The following CACNA1B variants were observed in gnomAD, a reference collection of about 807,000 sequenced individuals.
CACNA1B encodes the protein voltage-dependent N-type calcium channel subunit alpha-1B.
Under a neutral mutation model 247.2 loss-of-function variants are expected in CACNA1B, and 70 were observed. That is an observed-to-expected ratio of 0.28 (90% CI 0.23 to 0.35). The LOEUF (loss-of-function observed/expected upper bound fraction) is 0.35, where lower values mean the gene tolerates loss of function less well. Ranked by LOEUF, CACNA1B falls within the 10% of genes least tolerant of loss-of-function variation. CACNA1B has a pLI of 1.00. For missense variants in CACNA1B, 2,367 were observed against 3,197.4 expected (o/e 0.74, Z 6.26); for synonymous variants, 1,231 against 1,294.4 (o/e 0.95, Z 1.05).
intron 15 of CACNA1B, among the ~76,000 whole-genome samples, chr9:137,988,675 A>G (rs1256037760): frequency 6.6e-6 from 1 of 152,174 alleles, no homozygotes; most frequent in Admixed American, 6.5e-5. Flanking sequence ...GACAGCAGAG[A>G]CCCAGGCACC....
In CACNA1B at chr9:137,917,103, G is replaced by A. The variant is rs113070786; in HGVS notation, c.776-138G>A. The stretch of plus-strand genomic sequence containing the variant: ...GATGCAGATTCGAGGAGGGATGGTG[G>A]GAAGTTGAGGGAGAGTTTCTGTTGG... On this transcript the variant is annotated intron_variant, in intron 5 of 46. Transcript: ENST00000371372. The surrounding 1 kb of genome is among the most constrained non-coding windows in gnomAD (Gnocchi z 5.5). 448 of 705,668 alleles carry A rather than the reference G, an allele frequency of 6.3e-4. 4 individuals carry two copies. The African/African-American group carries it at 7.0e-3, about 11-fold the overall frequency. 43.7% of individuals were successfully genotyped at this position (705,668 alleles called of 1,614,324 possible). A position where few individuals can be genotyped will look rare whatever the true frequency, so the allele number is the denominator to read the frequency against.
intron 6 of CACNA1B, among the ~76,000 whole-genome samples, chr9:137,931,368 G>A (rs1246777955): frequency 6.6e-6 from 1 of 152,122 alleles, no homozygotes; most frequent in Non-Finnish European, 1.5e-5. Flanking sequence ...GATTGGTCAT[G>A]GGAGGCGACC....
rs1291768942 is a variant in CACNA1B at position 138,105,756 on chromosome 9, T to A, written c.5377T>A (p.Ser1793Thr). 1.0e-5 allele frequency: 16 copies of A among 1,567,882 alleles called. No homozygotes were observed. The highest frequency in any genetic ancestry group is 1.4e-5 in the Non-Finnish European group (16 of 1,157,574). ...SNEDMTVHFT[S>T]TLMALIRTAL... ...CGAGGACATGACTGTTCACTTCACG[T>A]CCACGCTGATGGCCCTCATCCGGAC... Residue 1793 changes from serine to threonine, a missense_variant, in exon 39 of 47, where the codon TCC becomes ACC. By Grantham distance (58) the Ser-to-Thr change is moderately conservative. This residue lies in a region of CACNA1B where 773 missense variants were observed against 779.4 expected (regional missense o/e 0.99). Transcript: ENST00000371372.
intron 3 of CACNA1B, among the ~76,000 whole-genome samples, chr9:137,884,974 C>CAA (rs1396526383): frequency 6.5e-5 from 9 of 138,550 alleles, no homozygotes; most frequent in African/African-American, 2.5e-4. Context: ...CCCCCTCCTC[C>CAA]CACTTTGCCT....
rs1959609381 is a variant in CACNA1B, at chr9:138,058,788, A to G, written c.4473+55A>G. On this transcript the variant is annotated intron_variant, in intron 29 of 46. Transcript: ENST00000371372. The surrounding 1 kb of genome is among the most constrained non-coding windows in gnomAD (Gnocchi z 4.7). ...TGGCGCTGCTAGGGATTGGGATCTA[A>G]CCCTGAGGCTGAGTGGAGAGTCAGC... is the stretch of plus-strand genomic sequence containing the variant. 1 of 1,483,316 alleles carries G rather than the reference A, an allele frequency of 6.7e-7. No individual in the cohort carries two copies. The highest frequency in any genetic ancestry group is 1.2e-5 in the South Asian group (1 of 82,364). 91.9% of individuals were successfully genotyped at this position (1,483,316 alleles called of 1,614,324 possible).
Position 138,038,392 on chromosome 9 carries a change from G to A in CACNA1B, c.3287-5382G>A, listed in dbSNP as rs1959073168. Among the ~76,000 whole-genome samples the A allele has an allele frequency of 2.0e-5, 3 of 152,290 alleles. No homozygotes were observed. In the South Asian group the frequency reaches 6.2e-4, roughly 32 times the overall value. On this transcript the variant is annotated intron_variant, in intron 20 of 46. Transcript: ENST00000371372. ...CTCATTTCTCCAAGAAGCAGCACAC[G>A]CTGGACACTGCCGTGATTCCTGTGG...
At position 138,050,165 on chromosome 9, in the gene CACNA1B, G is replaced by C; in HGVS notation, c.3710+850G>C. The C allele has an allele frequency of 9.5e-7, 1 of 1,055,198 alleles. No homozygotes were observed. The highest frequency in any genetic ancestry group is 1.3e-6 in the Non-Finnish European group (1 of 775,084). The allele number at this position is 1,055,198 out of a possible 1,614,324, so 65.4% of individuals were successfully genotyped here. ...CCCCTCTTGGGTCATTTCATCTCCA[G>C]CCTCACCCCCCGCCCATCCACTTTC... On this transcript the variant is annotated intron_variant, in intron 24 of 46. Transcript: ENST00000371372. The surrounding 1 kb of genome is among the most constrained non-coding windows in gnomAD (Gnocchi z 5.2).
Position 137,888,829 on chromosome 9 carries a change from C to T in CACNA1B, c.530+5946C>T, listed in dbSNP as rs1957054462. On this transcript the variant is annotated intron_variant, in intron 3 of 46. Coordinates refer to ENST00000371372, the MANE Select transcript of CACNA1B (RefSeq NM_000718.4). This position sits in a 1 kb window ranked among gnomAD's most constrained non-coding sequence, Gnocchi z 4.7. ...GCAGGCCGATTCAGATGGTGGCAGGCACTTCTCAGGGAGAAGCCAGGCCCA... is the reference window on the plus strand; with the variant it reads ...GCAGGCCGATTCAGATGGTGGCAGGTACTTCTCAGGGAGAAGCCAGGCCCA... Among the ~76,000 whole-genome samples the T allele has an allele frequency of 6.6e-6, 1 of 152,228 alleles. No homozygotes were observed. Among genetic ancestry groups the T allele is most frequent in the South Asian group, 2.1e-4 (1 of 4,832 alleles).
rs763720998 is a variant in CACNA1B at position 138,118,088 on chromosome 9, A to G, written c.5913+7A>G. On this transcript the variant is annotated splice_region_variant and intron_variant, in intron 43 of 46. Coordinates refer to ENST00000371372, the MANE Select transcript of CACNA1B (RefSeq NM_000718.4). ...GGGGCGGTCAGGAGCACTGGTGAGC[A>G]CTCCCGGGGGCTAGTGAGACTGGGT... 1 of 1,433,818 alleles carries G rather than the reference A, an allele frequency of 7.0e-7. No homozygotes were observed. Among genetic ancestry groups the G allele is most frequent in the Non-Finnish European group, 9.2e-7 (1 of 1,081,480 alleles). 88.8% of individuals were successfully genotyped at this position (1,433,818 alleles called of 1,614,324 possible).
chr9:138,005,617 G>A (rs368438539), intron 15 of CACNA1B, among the ~76,000 whole-genome samples: 1 of 152,188 alleles, frequency 6.6e-6, no homozygotes, highest in Non-Finnish European at 1.5e-5. Flanking sequence ...GGTTTGAGAT[G>A]TTCCCAACAC....
In CACNA1B at chr9:137,974,802, T is replaced by A. The variant is rs1199402751; in HGVS notation, c.1544-1105T>A. Among the ~76,000 whole-genome samples, 1 of 152,228 alleles carries A rather than the reference T, an allele frequency of 6.6e-6. No homozygotes were observed. The highest frequency in any genetic ancestry group is 1.5e-5 in the Non-Finnish European group (1 of 68,030). Reference sequence around the variant, plus strand: ...GTTGTGGACTCTCAGGGGCCTGCCCTTCATGCCCTCCCAGGGCCTTGTTCT... The same window carrying A: ...GTTGTGGACTCTCAGGGGCCTGCCCATCATGCCCTCCCAGGGCCTTGTTCT... On this transcript the variant is annotated intron_variant, in intron 11 of 46. Coordinates refer to ENST00000371372, the MANE Select transcript of CACNA1B (RefSeq NM_000718.4). The surrounding 1 kb of genome is among the most constrained non-coding windows in gnomAD (Gnocchi z 4.5).
At chr9:137,972,294 G>A (rs1231228082) in intron 11 of CACNA1B, among the ~76,000 whole-genome samples, 2 of 151,026 alleles carry the variant, frequency 1.3e-5, no homozygotes, top group Non-Finnish European at 3.0e-5. Flanking sequence ...GTCCACCCAT[G>A]TTTTATGTCC....
intron 15 of CACNA1B, among the ~76,000 whole-genome samples, chr9:137,997,328 GAA>G (rs1169246725): frequency 1.3e-5 from 2 of 151,950 alleles, no homozygotes; most frequent in Non-Finnish European, 2.9e-5. Context: ...AGTAGAACAA[GAA>G]AAAATGAAAT....
At chr9:138,099,332 T>C (rs577867413) in intron 37 of CACNA1B, among the ~76,000 whole-genome samples, 1 of 152,378 alleles carries the variant, frequency 6.6e-6, no homozygotes, top group South Asian at 2.1e-4. Context: ...CATATGATTG[T>C]ATATATGTGT....
intron 3 of CACNA1B, among the ~76,000 whole-genome samples, chr9:137,898,651 A>G (rs1588990524): frequency 1.3e-5 from 2 of 151,802 alleles, no homozygotes; most frequent in African/African-American, 2.4e-5. Context: ...GACTACAGGC[A>G]CATGCCACCA....
At chr9:138,071,500 C>T (rs905090427) in intron 32 of CACNA1B, among the ~76,000 whole-genome samples, 16 of 152,290 alleles carry the variant, frequency 1.1e-4, no homozygotes, top group Middle Eastern at 3.4e-3. Flanking sequence ...ACGCTGTGCT[C>T]GAACATCTGT....
At chr9:137,908,967 A>G (rs552738931) in intron 3 of CACNA1B, among the ~76,000 whole-genome samples, 3 of 150,870 alleles carry the variant, frequency 2.0e-5, no homozygotes, top group Admixed American at 6.6e-5. Flanking sequence ...TAAAATATGT[A>G]TAACATGAAG....
At chr9:138,066,626 A>G (rs1959927183) in intron 31 of CACNA1B, among the ~76,000 whole-genome samples, 1 of 152,210 alleles carries the variant, frequency 6.6e-6, no homozygotes, top group Non-Finnish European at 1.5e-5. Context: ...TTTTAAGGAA[A>G]TGAACTTCTG....
rs147876814 is a variant in CACNA1B, at chr9:138,057,328, T to A, written c.3969-404T>A. Among the ~76,000 whole-genome samples the A allele has an allele frequency of 1.4e-3, 216 of 152,330 alleles. 2 individuals carry two copies. Among genetic ancestry groups the A allele is most frequent in the African/African-American group, 5.1e-3 (212 of 41,574 alleles). On this transcript the variant is annotated intron_variant, in intron 26 of 46. Coordinates refer to ENST00000371372, the MANE Select transcript of CACNA1B (RefSeq NM_000718.4). This position sits in a 1 kb window ranked among gnomAD's most constrained non-coding sequence, Gnocchi z 4.0. The stretch of plus-strand genomic sequence containing the variant: ...GGAAATAAGTATTTTTCCCATTCTG[T>A]GGATTTGTCTCTTTACGTTCTCGGC...
Sources: allele counts gnomAD v4.1 joint callset (sites outside exome capture counted in the v4.1 genomes callset), GRCh38; gene constraint gnomAD v4.1.1; regional missense constraint gnomAD v4.1.1; non-coding constraint Gnocchi (gnomAD v3.1); transcripts MANE v1.5; gene names NCBI Gene and HGNC (gene_info 2026-07-23, HGNC 2026-07-21).